RALGAPA1: variants seen among roughly 807,000 people sequenced by gnomAD.
The protein encoded by RALGAPA1 is Ral GTPase activating protein catalytic subunit alpha 1, also known as ral GTPase-activating protein subunit alpha-1.
A neutral mutation model predicts 269.6 loss-of-function variants in RALGAPA1; 52 were observed. That is an observed-to-expected ratio of 0.19 (90% CI 0.15 to 0.24). The LOEUF (loss-of-function observed/expected upper bound fraction) is 0.24. RALGAPA1 is among the 10% of genes least tolerant of loss of function. The pLI is 1.00. For synonymous variants in RALGAPA1, 817 were observed against 1,008.3 expected, an observed-to-expected ratio of 0.81 and a Z score of 3.60; for missense variants, 1,917 against 3,013.9, an observed-to-expected ratio of 0.64 and a Z score of 8.52.
chr14:35,551,009 C>T (rs1209463861), intron 39 of RALGAPA1, among the ~76,000 whole-genome samples: 1 of 152,168 alleles, frequency 6.6e-6, no homozygotes, highest in African/African-American at 2.4e-5. Flanking sequence ...ACATATCTCA[C>T]AACTTGTTGG....
intron 30 of RALGAPA1, among the ~76,000 whole-genome samples, chr14:35,652,707 A>C (rs1405405646): frequency 1.3e-5 from 2 of 152,118 alleles, no homozygotes; most frequent in Non-Finnish European, 2.9e-5. Flanking sequence ...GCCCAGCCAA[A>C]TGTGGCTTTT....
chr14:35,672,848 T>C lies in RALGAPA1; in HGVS notation c.5073+19A>G. 2.7e-6 allele frequency: 4 copies of C among 1,487,548 alleles called. No homozygotes were observed. Among genetic ancestry groups the C allele is most frequent in the East Asian group, 2.5e-5 (1 of 39,576 alleles). 92.1% of individuals were successfully genotyped at this position (1,487,548 alleles called of 1,614,324 possible). A position where few individuals can be genotyped will look rare whatever the true frequency, so the allele number is the denominator to read the frequency against. ...ATGATATAAACTACTTCTTAGATGATACATATATATATAGTTACCTGGTCA... is the reference window on the plus strand; with the variant it reads ...ATGATATAAACTACTTCTTAGATGACACATATATATATAGTTACCTGGTCA... On this transcript the variant is annotated intron_variant, in intron 25 of 41. Coordinates refer to ENST00000680220, the MANE Select transcript of RALGAPA1 (RefSeq NM_001346249.2).
chr14:35,605,555 A>G (rs2139195497), intron 36 of RALGAPA1, 31 bp downstream of exon 36: 3 of 1,550,868 alleles, frequency 1.9e-6, no homozygotes, highest in Middle Eastern at 2.3e-4. Flanking sequence ...GCTTCCAAAT[A>G]TAAATATTTC....
chr14:35,744,227 C>T (rs773459518), intron 10 of RALGAPA1, among the ~76,000 whole-genome samples: 4 of 151,884 alleles, frequency 2.6e-5, no homozygotes, highest in Admixed American at 6.6e-5. Context: ...CAAAATTAGC[C>T]GGGTGTGGTG....
intron 41 of RALGAPA1, chr14:35,542,038 A>C (rs987943066): frequency 8.0e-7 from 1 of 1,245,600 alleles, no homozygotes; most frequent in African/African-American, 1.5e-5. Context: ...AACTAACAAA[A>C]CAAGTTCAAA....
chr14:35,651,391 C>T (rs968001808), intron 31 of RALGAPA1, among the ~76,000 whole-genome samples: 1 of 152,142 alleles, frequency 6.6e-6, no homozygotes, highest in African/African-American at 2.4e-5. Flanking sequence ...AGAATGTTTT[C>T]GCAGACACAG....
intron 21 of RALGAPA1, among the ~76,000 whole-genome samples, chr14:35,678,606 C>T (rs1415838367): frequency 2.6e-5 from 4 of 152,118 alleles, no homozygotes; most frequent in Admixed American, 2.0e-4. Flanking sequence ...TAATTTGATC[C>T]TGTCACTTCC....
chr14:35,582,760 G>A (rs1160792259), intron 37 of RALGAPA1, among the ~76,000 whole-genome samples: 1 of 152,122 alleles, frequency 6.6e-6, no homozygotes, highest in Non-Finnish European at 1.5e-5. Flanking sequence ...AAAACATTCT[G>A]TTCTTCTTTA....
chr14:35,544,941 A>G (rs985556539), intron 41 of RALGAPA1, among the ~76,000 whole-genome samples: 8 of 151,930 alleles, frequency 5.3e-5, no homozygotes, highest in Non-Finnish European at 7.4e-5. Flanking sequence ...CAGCTACTTG[A>G]GAGGCTGAGG....
chr14:35,572,521 CA>C (rs752542649), intron 38 of RALGAPA1, 38 bp downstream of exon 38: 3 of 1,530,766 alleles, frequency 2.0e-6, no homozygotes, highest in African/African-American at 2.8e-5. Flanking sequence ...CCTATAGAAC[CA>C]AAATCTATTA....
chr14:35,742,097 CT>C (rs2071609896), intron 11 of RALGAPA1, among the ~76,000 whole-genome samples: 1 of 152,070 alleles, frequency 6.6e-6, no homozygotes, highest in African/African-American at 2.4e-5. Context: ...AATATTATAC[CT>C]TTATAACAGT....
intron 31 of RALGAPA1, among the ~76,000 whole-genome samples, chr14:35,636,520 A>AT (rs1196982407): frequency 6.6e-6 from 1 of 151,932 alleles, no homozygotes; most frequent in Non-Finnish European, 1.5e-5. Flanking sequence ...CAAATTATCT[A>AT]TTTTTTTAAT....
chr14:35,763,972 T>C (rs147947348), intron 4 of RALGAPA1, among the ~76,000 whole-genome samples: 1 of 152,212 alleles, frequency 6.6e-6, no homozygotes, highest in Non-Finnish European at 1.5e-5. Flanking sequence ...ATCTGATGTA[T>C]GTTAACTATC....
Position 35,651,870 on chromosome 14 carries a change from G to C in RALGAPA1, c.5611C>G (p.Leu1871Val). ...AAAAGATGGGTGATGGTAGCTATTA[G>C]GATCTGTAAGCAAAAAAAAATTTTT... The part of the protein sequence containing the change: ...PDSPLKIIQI[L>V]IATITHLLPS... Residue 1871 changes from leucine to valine, a missense_variant, in exon 31 of 42, where the codon CTA (leucine) becomes GTA (valine). This residue lies in a region of RALGAPA1 where 346 missense variants were observed against 566.1 expected (regional missense o/e 0.61). Transcript: ENST00000680220. The C allele has an allele frequency of 6.5e-7, 1 of 1,537,166 alleles. No homozygotes were observed.
chr14:35,762,959 A>C (rs569650788), intron 4 of RALGAPA1, among the ~76,000 whole-genome samples: 1 of 152,294 alleles, frequency 6.6e-6, no homozygotes, highest in East Asian at 1.9e-4. Context: ...TTGCAATTAA[A>C]CATGATTTAT....
intron 35 of RALGAPA1, among the ~76,000 whole-genome samples, chr14:35,610,375 C>T (rs535397948): frequency 1.1e-4 from 17 of 151,830 alleles, no homozygotes; most frequent in South Asian, 8.4e-4. Flanking sequence ...CTCCGCCTCC[C>T]GGGTTCACAC....
intron 16 of RALGAPA1, among the ~76,000 whole-genome samples, chr14:35,711,226 A>C (rs183041772): frequency 3.9e-5 from 6 of 152,296 alleles, no homozygotes; most frequent in Admixed American, 2.0e-4. Flanking sequence ...GCTAATGTTT[A>C]AAGTGATTAC....
chr14:35,783,376 A>G (rs949668366), intron 1 of RALGAPA1, among the ~76,000 whole-genome samples: 1 of 152,150 alleles, frequency 6.6e-6, no homozygotes, highest in African/African-American at 2.4e-5. Flanking sequence ...GGTACCCTTC[A>G]AAAGTCTTTT....
intron 1 of RALGAPA1, among the ~76,000 whole-genome samples, chr14:35,794,989 G>C (rs1040379095): frequency 6.6e-6 from 1 of 152,082 alleles, no homozygotes; most frequent in African/African-American, 2.4e-5. Flanking sequence ...AAGTTGCTTG[G>C]TATAAAGCCA....
Sources: gnomAD v4.1 joint callset for allele counts (sites outside exome capture counted in the v4.1 genomes callset) on GRCh38, gnomAD v4.1.1 for gene constraint, gnomAD v4.1.1 regional missense constraint, MANE v1.5 for transcripts, NCBI Gene and HGNC (gene_info 2026-07-23, HGNC 2026-07-21) for gene names.